XPO7: variants seen among roughly 807,000 people sequenced by gnomAD.
XPO7 encodes exportin-7.
Under a neutral mutation model 144.3 loss-of-function variants are expected in XPO7, and 21 were observed. That is an observed-to-expected ratio of 0.15 (90% CI 0.10 to 0.21). The LOEUF (loss-of-function observed/expected upper bound fraction) is 0.21. Ranked by LOEUF, XPO7 falls within the 10% of genes least tolerant of loss-of-function variation. XPO7 has a pLI of 1.00. For missense variants in XPO7, 808 were observed against 1,325.8 expected, an observed-to-expected ratio of 0.61 and a Z score of 6.06; for synonymous variants, 580 against 499.6, an observed-to-expected ratio of 1.16 and a Z score of -2.15.
intron 11 of XPO7, among the ~76,000 whole-genome samples, chr8:21,983,562 A>G (rs1385286151): frequency 6.6e-6 from 1 of 152,188 alleles, no homozygotes; most frequent in African/African-American, 2.4e-5. Flanking sequence ...AAATCTGAGT[A>G]TTCATGAAGT....
intron 18 of XPO7, among the ~76,000 whole-genome samples, chr8:21,991,240 A>G (rs2117382690): frequency 6.6e-6 from 1 of 152,306 alleles, no homozygotes; most frequent in Middle Eastern, 3.4e-3. Context: ...TCCACCCCAC[A>G]ATGAGGTGTA....
chr8:21,982,280 G>A (rs1231552231), intron 10 of XPO7, among the ~76,000 whole-genome samples: 2 of 152,138 alleles, frequency 1.3e-5, no homozygotes, highest in African/African-American at 2.4e-5. Context: ...AAAAAATATA[G>A]ATTCTTGAGT....
intron 17 of XPO7, 47 bp downstream of exon 17, chr8:21,990,454 T>TA: frequency 6.3e-7 from 1 of 1,599,616 alleles, no homozygotes; most frequent in Non-Finnish European, 8.6e-7. Context: ...CACCCACACA[T>TA]ACACTTTCTC....
At chr8:21,982,570 G>T (rs1350330679) in intron 10 of XPO7, 70 bp from the exon 11 acceptor site, 3 of 1,475,690 alleles carry the variant, frequency 2.0e-6, no homozygotes, top group African/African-American at 2.8e-5. Flanking sequence ...TTTATCTTCT[G>T]TGTCAGTGGC....
At chr8:21,924,362 T>A (rs1810390737) in intron 1 of XPO7, among the ~76,000 whole-genome samples, 1 of 152,154 alleles carries the variant, frequency 6.6e-6, no homozygotes, top group Non-Finnish European at 1.5e-5. Flanking sequence ...GAATACTCCT[T>A]ACTAACCAGC....
At chr8:21,927,203 A>G (rs529084436) in intron 1 of XPO7, among the ~76,000 whole-genome samples, 23 of 151,342 alleles carry the variant, frequency 1.5e-4, no homozygotes, top group African/African-American at 5.1e-4. Context: ...CCTGGGTAAC[A>G]TAGCAAGACC....
chr8:21,966,960 C>G lies in XPO7; in HGVS notation c.122C>G (p.Pro41Arg). ...GCCTTGGTTGAATTTACCAACAGCC[C>G]TGATTGCCTGAGCAAGTGCCAGCTA... ...EKALVEFTNS[P>R]DCLSKCQLLL... The change falls in exon 2 of 28, where the codon CCT (proline) becomes CGT (arginine). Residue 41 changes from proline to arginine, a missense_variant. By Grantham distance (103) the Pro-to-Arg change is moderately radical. Coordinates refer to ENST00000252512, the MANE Select transcript of XPO7 (RefSeq NM_015024.5). The G allele has an allele frequency of 6.2e-7, 1 of 1,613,900 alleles. No individual in the cohort carries two copies. The highest frequency in any genetic ancestry group is 8.5e-7 in the Non-Finnish European group (1 of 1,179,838).
At chr8:21,944,723 G>T (rs1449403148) in intron 1 of XPO7, among the ~76,000 whole-genome samples, 1 of 152,050 alleles carries the variant, frequency 6.6e-6, no homozygotes, top group Non-Finnish European at 1.5e-5. Context: ...GTGAACAAAG[G>T]TCTCCGGTTT....
At chr8:21,982,598 A>C (rs1481003265) in intron 10 of XPO7, 42 bp from the exon 11 acceptor site, 1 of 1,536,252 alleles carries the variant, frequency 6.5e-7, no homozygotes, top group East Asian at 2.3e-5. Flanking sequence ...TAACACGTAC[A>C]GAAATGAAAA....
chr8:21,936,468 A>T (rs544270867), intron 1 of XPO7, among the ~76,000 whole-genome samples: 1 of 152,344 alleles, frequency 6.6e-6, no homozygotes, highest in African/African-American at 2.4e-5. Context: ...GTATTAAATG[A>T]TACATACTCT....
intron 1 of XPO7, among the ~76,000 whole-genome samples, chr8:21,939,461 T>A (rs1810922503): frequency 6.6e-6 from 1 of 152,168 alleles, no homozygotes; most frequent in Non-Finnish European, 1.5e-5. Flanking sequence ...CCTCAGGTGA[T>A]CCGTCTGCCT....
Position 22,005,138 on chromosome 8 carries a change from C to G in XPO7, c.*50C>G. The G allele has an allele frequency of 6.7e-7, 1 of 1,495,436 alleles. No individual in the cohort carries two copies. The highest frequency in any genetic ancestry group is 1.4e-5 in the African/African-American group (1 of 71,278). The allele number at this position is 1,495,436 out of a possible 1,614,324, so 92.6% of individuals were successfully genotyped here. A position where few individuals can be genotyped will look rare whatever the true frequency, so the allele number is the denominator to read the frequency against. On this transcript the variant is annotated 3_prime_UTR_variant, in exon 28 of 28. Transcript: ENST00000252512. ...AGAGCAGCGTCCCTTTGGTTTGGCC[C>G]AGAGGGGCGAACAATTGCAAGGGAG...
chr8:21,957,355 G>GT (rs1309709829), intron 1 of XPO7, among the ~76,000 whole-genome samples: 1 of 152,140 alleles, frequency 6.6e-6, no homozygotes, highest in Admixed American at 6.5e-5. Context: ...CTTTCACCCT[G>GT]TTTCTCCTTC....
chr8:21,958,554 A>G (rs1323135764), intron 1 of XPO7, among the ~76,000 whole-genome samples: 3 of 152,016 alleles, frequency 2.0e-5, no homozygotes, highest in African/African-American at 7.3e-5. Flanking sequence ...TCTGTGGGCC[A>G]TGTTAAGCAG....
At chr8:21,923,798 C>G (rs1305636349) in intron 1 of XPO7, among the ~76,000 whole-genome samples, 1 of 152,078 alleles carries the variant, frequency 6.6e-6, no homozygotes, top group Non-Finnish European at 1.5e-5. Flanking sequence ...GTTTTGAAAG[C>G]AATATTGTAC....
intron 4 of XPO7, among the ~76,000 whole-genome samples, chr8:21,970,896 A>G (rs1812035595): frequency 6.6e-6 from 1 of 152,150 alleles, no homozygotes; most frequent in Non-Finnish European, 1.5e-5. Context: ...AAGTGTACAT[A>G]TTTATAAAGT....
chr8:21,979,984 G>C, intron 8 of XPO7, 100 bp from the exon 9 acceptor site: 1 of 1,268,940 alleles, frequency 7.9e-7, no homozygotes, highest in South Asian at 1.9e-5. Context: ...TGTTGCTTCA[G>C]ATATCCTAAA....
At chr8:21,991,786 C>A in intron 18 of XPO7, 82 bp from the exon 19 acceptor site, 1 of 1,124,928 alleles carries the variant, frequency 8.9e-7, no homozygotes, top group South Asian at 1.9e-5. Flanking sequence ...TGGGTTTGCT[C>A]CTCTTTCATC....
At chr8:21,986,135 C>CTTTTTTT (rs573860240) in intron 13 of XPO7, among the ~76,000 whole-genome samples, 2 of 132,274 alleles carry the variant, frequency 1.5e-5, no homozygotes, top group African/African-American at 2.8e-5. Context: ...TTTATCAAAA[C>CTTTTTTT]TTTTTTTTTT....
Sources: gnomAD v4.1 joint callset for allele counts (sites outside exome capture counted in the v4.1 genomes callset) on GRCh38, gnomAD v4.1.1 for gene constraint, MANE v1.5 for transcripts, NCBI Gene and HGNC (gene_info 2026-07-23, HGNC 2026-07-21) for gene names.